Variants in XXYLT1 observed in about 807,000 individuals in gnomAD.
XXYLT1 encodes the protein xyloside xylosyltransferase 1.
A neutral mutation model predicts 28.9 loss-of-function variants in XXYLT1; 20 were observed. That is an observed-to-expected ratio of 0.69 (90% CI 0.49 to 1.00). The LOEUF is 1.00. Ranked by LOEUF, XXYLT1 falls within the 50% of genes least tolerant of loss-of-function variation. XXYLT1 has a pLI of 0.00. For synonymous variants in XXYLT1, 257 were observed against 253.8 expected (o/e 1.01, Z -0.12); for missense variants, 542 against 560.1 (o/e 0.97, Z 0.33).
chr3:195,252,797 TCA>T (rs1039931801), intron 1 of XXYLT1, among the ~76,000 whole-genome samples: 2 of 133,558 alleles, frequency 1.5e-5, no homozygotes, highest in Non-Finnish European at 1.6e-5. Context: ...AAACAGAAAC[TCA>T]CAGCTCAGGT....
At chr3:195,112,510 A>ACCCC (rs199898002) in intron 3 of XXYLT1, among the ~76,000 whole-genome samples, 7 of 26,016 alleles carry the variant, frequency 2.7e-4, no homozygotes, top group South Asian at 1.0e-3. Context: ...ACACCCACAC[A>ACCCC]CACCCACACA....
At chr3:195,234,447 T>C (rs1724445368) in intron 1 of XXYLT1, among the ~76,000 whole-genome samples, 1 of 150,066 alleles carries the variant, frequency 6.7e-6, no homozygotes, top group African/African-American at 2.5e-5. Context: ...GCCTCCCAAG[T>C]AGCTGGGATT....
intron 3 of XXYLT1, among the ~76,000 whole-genome samples, chr3:195,145,263 GTGGAAGCCACGTGAATGGGCA>G (rs1719772546): frequency 1.3e-5 from 2 of 151,394 alleles, no homozygotes; most frequent in African/African-American, 2.4e-5. Context: ...GGAAGATCAA[GTGGAAGCCACGTGAATGGGCA>G]CCTCACTCCA....
At chr3:195,156,761 A>G (rs1454075864) in intron 2 of XXYLT1, among the ~76,000 whole-genome samples, 180 bp from the exon 3 acceptor site, 1 of 152,180 alleles carries the variant, frequency 6.6e-6, no homozygotes, top group Non-Finnish European at 1.5e-5. Context: ...CCTCCACACT[A>G]TTAGTCTTCA....
At position 195,184,832 on chromosome 3, in the gene XXYLT1, A is replaced by G. The variant is rs923065483; in HGVS notation, c.653-28251T>C. The G allele has an allele frequency of 4.1e-6, 4 of 984,584 alleles. No homozygotes were observed. In the African/African-American group the frequency reaches 5.2e-5, roughly 13 times the overall value. The allele number at this position is 984,584 out of a possible 1,614,324, so 61.0% of individuals were successfully genotyped here. A position where few individuals can be genotyped will look rare whatever the true frequency, so the allele number is the denominator to read the frequency against. Reference sequence around the variant, plus strand: ...AATCTGAAGTTCCCTTTCAGGCCAAATCATTCTCATTCATCTTTACCAATA... The same window carrying G: ...AATCTGAAGTTCCCTTTCAGGCCAAGTCATTCTCATTCATCTTTACCAATA... On this transcript the variant is annotated intron_variant, in intron 2 of 3. Coordinates refer to ENST00000310380, the MANE Select transcript of XXYLT1 (RefSeq NM_152531.5).
At chr3:195,184,801 G>GA (rs1417397699) in intron 2 of XXYLT1, 1 of 985,164 alleles carries the variant, frequency 1.0e-6, no homozygotes, top group Non-Finnish European at 1.2e-6. Flanking sequence ...CTTCAATTAG[G>GA]AAAAAAATCT....
intron 1 of XXYLT1, among the ~76,000 whole-genome samples, chr3:195,242,127 G>C (rs531913960): frequency 6.6e-6 from 1 of 152,196 alleles, no homozygotes; most frequent in Non-Finnish European, 1.5e-5. Flanking sequence ...GGGCAGAGAG[G>C]AGGGGCGATG....
At chr3:195,215,151 TA>T (rs1269487731) in intron 2 of XXYLT1, among the ~76,000 whole-genome samples, 1 of 151,340 alleles carries the variant, frequency 6.6e-6, no homozygotes, top group Non-Finnish European at 1.5e-5. Flanking sequence ...AGGCCTGCCC[TA>T]AAAGAGTTCC....
In XXYLT1 at chr3:195,240,643, G is replaced by A. The variant is rs546746482; in HGVS notation, c.505-13787C>T. Among the ~76,000 whole-genome samples, 3 of 152,236 alleles carry A rather than the reference G, an allele frequency of 2.0e-5. No homozygotes were observed. The highest frequency in any genetic ancestry group is 7.2e-5 in the African/African-American group (3 of 41,462). On this transcript the variant is annotated intron_variant, in intron 1 of 3. Coordinates refer to ENST00000310380, the MANE Select transcript of XXYLT1 (RefSeq NM_152531.5). This position sits in a 1 kb window ranked among gnomAD's most constrained non-coding sequence, Gnocchi z 4.7. ...CTGGCCACAGACAGCAACGCCACAG[G>A]TCGGCCGGAGGCCAAGGGTTCACCC...
At chr3:195,267,545 G>GA (rs1207059178) in intron 1 of XXYLT1, among the ~76,000 whole-genome samples, 1 of 152,162 alleles carries the variant, frequency 6.6e-6, no homozygotes, top group Non-Finnish European at 1.5e-5. Context: ...AGTCAATACT[G>GA]AAAAAACAAT....
chr3:195,199,042 G>T (rs1275848907), intron 2 of XXYLT1, among the ~76,000 whole-genome samples: 1 of 152,180 alleles, frequency 6.6e-6, no homozygotes, highest in African/African-American at 2.4e-5. Context: ...AACAAATTTT[G>T]ATCAACTGCA....
chr3:195,264,647 C>T (rs1364801165), intron 1 of XXYLT1, among the ~76,000 whole-genome samples: 6 of 152,218 alleles, frequency 3.9e-5, no homozygotes, highest in African/African-American at 1.4e-4. Flanking sequence ...AATTTAAGCT[C>T]CATGAAGGCA....
At chr3:195,216,119 A>G (rs1018342718) in intron 2 of XXYLT1, among the ~76,000 whole-genome samples, 14 of 152,216 alleles carry the variant, frequency 9.2e-5, no homozygotes, top group African/African-American at 3.4e-4. Context: ...GTTCTTTGAA[A>G]CCAACGAGAA....
At chr3:195,083,253 G>C (rs758417577) in intron 3 of XXYLT1, among the ~76,000 whole-genome samples, 25 of 152,110 alleles carry the variant, frequency 1.6e-4, no homozygotes, top group Non-Finnish European at 7.4e-5. Flanking sequence ...CGTAAGCCTT[G>C]ATAACCCCCT....
intron 3 of XXYLT1, among the ~76,000 whole-genome samples, chr3:195,102,792 A>G (rs550936792): frequency 6.6e-6 from 1 of 152,328 alleles, no homozygotes; most frequent in South Asian, 2.1e-4. Context: ...AGTTATCTTT[A>G]CGAGGTAGTG....
At chr3:195,260,346 G>A (rs549490105) in intron 1 of XXYLT1, among the ~76,000 whole-genome samples, 82 of 152,188 alleles carry the variant, frequency 5.4e-4, no homozygotes, top group African/African-American at 1.9e-3. Context: ...GGGGGGCCCC[G>A]TGCTGACCGC....
chr3:195,193,651 C>A (rs553144188), intron 2 of XXYLT1, among the ~76,000 whole-genome samples: 1 of 152,236 alleles, frequency 6.6e-6, no homozygotes, highest in South Asian at 2.1e-4. Flanking sequence ...TACAAAGCCA[C>A]AGAAATCCAG....
intron 2 of XXYLT1, among the ~76,000 whole-genome samples, chr3:195,224,856 C>A (rs748354005): frequency 6.6e-6 from 1 of 152,222 alleles, no homozygotes; most frequent in Non-Finnish European, 1.5e-5. Flanking sequence ...CCAAGAGAGA[C>A]AAAGTGGCTC....
At chr3:195,098,911 C>T (rs28460722) in intron 3 of XXYLT1, among the ~76,000 whole-genome samples, 25,237 of 152,198 alleles carry the variant, frequency 0.17, 2,320 homozygotes, top group South Asian at 0.3. Flanking sequence ...ATGTTCTGCC[C>T]GAGCCCTGAG....
Sources: gnomAD v4.1 joint callset for allele counts (sites outside exome capture counted in the v4.1 genomes callset) on GRCh38, gnomAD v4.1.1 for gene constraint, Gnocchi (gnomAD v3.1) non-coding constraint, MANE v1.5 for transcripts, NCBI Gene and HGNC (gene_info 2026-07-23, HGNC 2026-07-21) for gene names.